The following MAP3K7CL variants were observed in gnomAD, a reference collection of about 807,000 sequenced individuals.
The protein encoded by MAP3K7CL is MAP3K7 C-terminal like.
In MAP3K7CL, 16 loss-of-function variants were observed where a neutral mutation model predicts 18.6. That is an observed-to-expected ratio of 0.86 (90% CI 0.58 to 1.31). The LOEUF (loss-of-function observed/expected upper bound fraction) is 1.31, where lower values mean the gene tolerates loss of function less well. Among genes scored for constraint, MAP3K7CL ranks in the 50% most tolerant of loss-of-function variants. MAP3K7CL has a pLI of 0.00. For synonymous variants in MAP3K7CL, 65 were observed against 66.8 expected (o/e 0.97, Z 0.13); for missense variants, 163 against 174.4 (o/e 0.93, Z 0.37).
intron 4 of MAP3K7CL, among the ~76,000 whole-genome samples, chr21:29,163,277 G>A (rs932166028): frequency 1.3e-5 from 2 of 152,264 alleles, no homozygotes; most frequent in South Asian, 4.1e-4. Flanking sequence ...AACTCATCTT[G>A]TTTCCTTCCC....
intron 1 of MAP3K7CL, chr21:29,080,798 G>C (rs2085823418): frequency 6.6e-6 from 1 of 151,724 alleles, no homozygotes; most frequent in South Asian, 2.1e-4. Context: ...TGAAGGATCT[G>C]ATTCCTGTAT....
At chr21:29,092,586 G>A in intron 4 of MAP3K7CL, 2 of 1,613,240 alleles carry the variant, frequency 1.2e-6, no homozygotes, top group Non-Finnish European at 1.7e-6. Flanking sequence ...CTCTGGGTGA[G>A]TATTCCGTCC....
chr21:29,122,006 ACTCAAACCAAGT>A (rs2086602068), intron 4 of MAP3K7CL: 1 of 152,044 alleles, frequency 6.6e-6, no homozygotes, highest in Non-Finnish European at 1.5e-5. Flanking sequence ...GGGAGGAGGA[ACTCAAACCAAGT>A]GTACACTACA....
chr21:29,134,625 C>T (rs2086844926), intron 2 of MAP3K7CL, among the ~76,000 whole-genome samples: 2 of 152,148 alleles, frequency 1.3e-5, no homozygotes, highest in Non-Finnish European at 2.9e-5. Flanking sequence ...TCAGGGTCAC[C>T]CTGAAAGACA....
upstream of MAP3K7CL, among the ~76,000 whole-genome samples, chr21:29,084,263 A>G (rs77650901): frequency 1.6e-3 from 248 of 152,192 alleles, 5 homozygotes; most frequent in East Asian, 0.041. Flanking sequence ...ATAAAAAGCA[A>G]TCTTGAGACC....
chr21:29,165,539 A>G (rs2087664789), intron 4 of MAP3K7CL, among the ~76,000 whole-genome samples: 1 of 152,002 alleles, frequency 6.6e-6, no homozygotes, highest in Non-Finnish European at 1.5e-5. Context: ...ATGTCTTTGC[A>G]TCCTCATGTT....
intron 2 of MAP3K7CL, among the ~76,000 whole-genome samples, chr21:29,147,788 T>G (rs1038208535): frequency 6.6e-6 from 1 of 151,782 alleles, no homozygotes; most frequent in Non-Finnish European, 1.5e-5. Context: ...TATATCTAAC[T>G]GTATCTGTAC....
chr21:29,130,567 C>A, upstream of MAP3K7CL: 1 of 982,650 alleles, frequency 1.0e-6, no homozygotes, highest in Non-Finnish European at 1.2e-6. Context: ...AACATTTGGA[C>A]TCCCCACAAC....
intron 2 of MAP3K7CL, among the ~76,000 whole-genome samples, chr21:29,140,661 G>GGGTTGAT (rs2146655323): frequency 6.6e-6 from 1 of 152,300 alleles, no homozygotes; most frequent in Non-Finnish European, 1.5e-5. Flanking sequence ...AAAGGCCATG[G>GGGTTGAT]GGTTGATGGA....
intron 4 of MAP3K7CL, among the ~76,000 whole-genome samples, chr21:29,103,378 GC>G (rs1473905628): frequency 6.6e-6 from 1 of 151,684 alleles, no homozygotes; most frequent in Non-Finnish European, 1.5e-5. Flanking sequence ...GATCACAGGA[GC>G]CCAGAAGTTC....
intron 2 of MAP3K7CL, among the ~76,000 whole-genome samples, chr21:29,138,981 C>G (rs56026813): frequency 0.17 from 26,472 of 152,088 alleles, 2,670 homozygotes; most frequent in Non-Finnish European, 0.22. Flanking sequence ...GAAATTCTTT[C>G]AAGCTGTTAG....
intron 2 of MAP3K7CL, among the ~76,000 whole-genome samples, chr21:29,134,137 AAAC>A (rs1420044967): frequency 6.6e-6 from 1 of 152,166 alleles, no homozygotes; most frequent in African/African-American, 2.4e-5. Context: ...TCACATGCTT[AAAC>A]AACATTACCA....
At chr21:29,173,599 G>A (rs1363857393) in intron 4 of MAP3K7CL, among the ~76,000 whole-genome samples, 2 of 152,188 alleles carry the variant, frequency 1.3e-5, no homozygotes, top group Admixed American at 6.5e-5. Context: ...GTTAGATTTT[G>A]TCTAGGTTAG....
upstream of MAP3K7CL, among the ~76,000 whole-genome samples, chr21:29,082,780 T>C (rs1331354194): frequency 6.6e-6 from 1 of 152,210 alleles, no homozygotes; most frequent in Non-Finnish European, 1.5e-5. Flanking sequence ...CCCCAGTCCC[T>C]GCTTTTGGCA....
At chr21:29,165,550 A>G (rs1208867149) in intron 4 of MAP3K7CL, among the ~76,000 whole-genome samples, 2 of 151,988 alleles carry the variant, frequency 1.3e-5, no homozygotes, top group African/African-American at 4.8e-5. Flanking sequence ...TCCTCATGTT[A>G]TATATATTTT....
At chr21:29,092,331 G>A in intron 3 of MAP3K7CL, 3 of 1,267,606 alleles carry the variant, frequency 2.4e-6, no homozygotes, top group Non-Finnish European at 3.4e-6. Flanking sequence ...TAAAGAGGAG[G>A]CAAGAGGTTT....
intron 4 of MAP3K7CL, among the ~76,000 whole-genome samples, chr21:29,100,091 AAAAAAAAAAAAAAGG>A (rs2086199360): frequency 6.6e-6 from 1 of 151,358 alleles, no homozygotes; most frequent in South Asian, 2.1e-4. Flanking sequence ...TTTAAAAAAA[AAAAAAAAAAAAAAGG>A]AAATGGATCT....
At chr21:29,133,197 G>A in intron 1 of MAP3K7CL, 109 bp from the exon 2 acceptor site, 1 of 643,468 alleles carries the variant, frequency 1.6e-6, no homozygotes, top group Non-Finnish European at 2.6e-6. Flanking sequence ...AGAATAAGCA[G>A]GTAATGCTTA....
intron 4 of MAP3K7CL, chr21:29,109,188 G>A: frequency 6.5e-7 from 1 of 1,535,398 alleles, no homozygotes; most frequent in Non-Finnish European, 8.7e-7. Flanking sequence ...CTGCAGGTAT[G>A]GACATAGGGA....
Sources: allele counts gnomAD v4.1 joint callset (sites outside exome capture counted in the v4.1 genomes callset), GRCh38; gene constraint gnomAD v4.1.1; transcripts MANE v1.5; gene names NCBI Gene and HGNC (gene_info 2026-07-23, HGNC 2026-07-21).